The following SNX31 variants were observed in gnomAD, a reference collection of about 807,000 sequenced individuals.
SNX31 encodes sorting nexin 31.
Under a neutral mutation model 65.4 loss-of-function variants are expected in SNX31, and 58 were observed. That is an observed-to-expected ratio of 0.89 (90% CI 0.72 to 1.10). The LOEUF is 1.10. SNX31 is among the 50% of genes least tolerant of loss of function. SNX31 has a pLI of 0.00. For missense variants in SNX31, 523 were observed against 529.7 expected, an observed-to-expected ratio of 0.99 and a Z score of 0.12; for synonymous variants, 181 against 190.1, an observed-to-expected ratio of 0.95 and a Z score of 0.39.
intron 1 of SNX31, among the ~76,000 whole-genome samples, chr8:100,658,653 T>C (rs1021492319): frequency 6.6e-6 from 1 of 152,176 alleles, no homozygotes; most frequent in Non-Finnish European, 1.5e-5. Flanking sequence ...TGCCCAAAGT[T>C]GCACAGCTGG....
At chr8:100,606,177 G>A (rs1816139017) in intron 8 of SNX31, among the ~76,000 whole-genome samples, 1 of 152,082 alleles carries the variant, frequency 6.6e-6, no homozygotes, top group Admixed American at 6.5e-5. Context: ...TGGGACCACA[G>A]GCACACACCA....
rs1352598469 is a variant in SNX31 at position 100,629,270 on chromosome 8, T to C, written c.321+1057A>G. Reference sequence around the variant, plus strand: ...TTAGACTATACACAACAGTTGTCACTGAGGAGGGGGATCATAAGGGAAGAA... The same window carrying C: ...TTAGACTATACACAACAGTTGTCACCGAGGAGGGGGATCATAAGGGAAGAA... On this transcript the variant is annotated intron_variant, in intron 4 of 13. Coordinates refer to ENST00000311812, the MANE Select transcript of SNX31 (RefSeq NM_152628.4). The surrounding 1 kb of genome is among the most constrained non-coding windows in gnomAD (Gnocchi z 5.1). Among the ~76,000 whole-genome samples, 1 of 152,188 alleles carries C rather than the reference T, an allele frequency of 6.6e-6. No homozygotes were observed. The highest frequency in any genetic ancestry group is 1.5e-5 in the Non-Finnish European group (1 of 68,020).
intron 2 of SNX31, among the ~76,000 whole-genome samples, chr8:100,641,130 G>A (rs1819144441): frequency 6.6e-6 from 1 of 152,016 alleles, no homozygotes; most frequent in Admixed American, 6.6e-5. Context: ...GGCTTCTCTG[G>A]AAAACTGAGA....
intron 2 of SNX31, among the ~76,000 whole-genome samples, chr8:100,637,973 G>T (rs1818895372): frequency 6.6e-6 from 1 of 152,196 alleles, no homozygotes; most frequent in African/African-American, 2.4e-5. Context: ...TGGGATTACA[G>T]GTGTGAGCCA....
At chr8:100,607,392 G>A (rs538183213) in intron 8 of SNX31, among the ~76,000 whole-genome samples, 6 of 152,314 alleles carry the variant, frequency 3.9e-5, no homozygotes, top group South Asian at 4.1e-4. Context: ...TGACTTGGCC[G>A]AAGCTTCATC....
upstream of SNX31, among the ~76,000 whole-genome samples, chr8:100,651,999 AAC>A (rs2131310655): frequency 6.6e-6 from 1 of 151,976 alleles, no homozygotes; most frequent in South Asian, 2.1e-4. Flanking sequence ...TTTTTTTTGA[AAC>A]AGTGTCTTGC....
intron 4 of SNX31, among the ~76,000 whole-genome samples, chr8:100,628,893 A>G (rs1311836464): frequency 6.6e-5 from 10 of 151,976 alleles, no homozygotes. Context: ...AGCAAACTGC[A>G]CATATGGCAG....
chr8:100,604,311 A>G lies in SNX31; in HGVS notation c.682-3870T>C, dbSNP rs1386153634. ...AATTTTAAAAATCAAGCAAAATCAC[A>G]TAAGCCATAGTCTTCCTGACCTTCA... is the stretch of plus-strand genomic sequence containing the variant. On this transcript the variant is annotated intron_variant, in intron 8 of 13. Coordinates refer to ENST00000311812, the MANE Select transcript of SNX31 (RefSeq NM_152628.4). The surrounding 1 kb of genome is among the most constrained non-coding windows in gnomAD (Gnocchi z 4.3). 6.6e-6 allele frequency among the ~76,000 whole-genome samples: 1 copy of G among 152,264 alleles called. No homozygotes were observed. The highest frequency in any genetic ancestry group is 2.4e-5 in the African/African-American group (1 of 41,472).
At chr8:100,615,827 T>C (rs1189828541) in intron 5 of SNX31, among the ~76,000 whole-genome samples, 1 of 152,230 alleles carries the variant, frequency 6.6e-6, no homozygotes. Context: ...TGGAGTGCAG[T>C]GGCGCGATCT....
At chr8:100,602,863 T>A (rs1309881216) in intron 8 of SNX31, among the ~76,000 whole-genome samples, 1 of 152,218 alleles carries the variant, frequency 6.6e-6, no homozygotes, top group Non-Finnish European at 1.5e-5. Context: ...ATTTTTTCAC[T>A]TAATATTTTC....
At chr8:100,623,572 T>G (rs894884493) in intron 4 of SNX31, among the ~76,000 whole-genome samples, 2 of 152,194 alleles carry the variant, frequency 1.3e-5, no homozygotes, top group African/African-American at 4.8e-5. Context: ...GATGGGAACT[T>G]ACTCTGCTTC....
intron 2 of SNX31, among the ~76,000 whole-genome samples, chr8:100,643,192 C>CA (rs1333504126): frequency 1.4e-3 from 160 of 113,620 alleles, no homozygotes; most frequent in African/African-American, 5.5e-3. Flanking sequence ...GACTCCGTCT[C>CA]AAAAAAACAA....
Position 100,573,651 on chromosome 8 carries a change from ACT to A in SNX31, c.*212_*213del, listed in dbSNP as rs1812796147. On this transcript the variant is annotated 3_prime_UTR_variant, in exon 14 of 14. Transcript: ENST00000311812. Reference sequence around the variant, plus strand: ...AAGTGCAAAAATAAAATAAAAACTAACTCTATAACTTGGTTCTTTTTTTTTTT... The same window carrying A: ...AAGTGCAAAAATAAAATAAAAACTAACTATAACTTGGTTCTTTTTTTTTTT... The A allele has an allele frequency of 2.8e-6, 1 of 359,760 alleles. No homozygotes were observed. The highest frequency in any genetic ancestry group is 2.1e-5 in the African/African-American group (1 of 47,692). The allele number at this position is 359,760 out of a possible 1,614,324, so 22.3% of individuals were successfully genotyped here.
rs1403772629 is a variant in SNX31 at position 100,588,902 on chromosome 8, A to G, written c.1056T>C (p.Asp352=). 6.2e-7 allele frequency: 1 copy of G among 1,614,044 alleles called. No individual in the cohort carries two copies. The highest frequency in any genetic ancestry group is 1.3e-5 in the African/African-American group (1 of 75,032). ...AAATAACAAACCACTGCCAGCAACT[A>G]TCCTCACTGTATTGAAATCTGAGCT... The part of the protein sequence containing the change: ...NLELRFQYSE[D]SCWQWFVIYT... The change falls in exon 11 of 14, where the codon GAT becomes GAC. Residue 352 remains aspartate (D), a synonymous_variant. Coordinates refer to ENST00000311812, the MANE Select transcript of SNX31 (RefSeq NM_152628.4). This position sits in a 1 kb window ranked among gnomAD's most constrained non-coding sequence, Gnocchi z 4.8.
intron 4 of SNX31, among the ~76,000 whole-genome samples, chr8:100,628,574 A>G (rs937490452): frequency 1.4e-5 from 2 of 144,906 alleles, no homozygotes; most frequent in Non-Finnish European, 3.0e-5. Context: ...GGAACATCAC[A>G]CACTGGGGAC....
chr8:100,594,194 C>T lies in SNX31; in HGVS notation c.978+2445G>A, dbSNP rs1260903306. Among the ~76,000 whole-genome samples the T allele has an allele frequency of 6.6e-6, 1 of 152,218 alleles. No homozygotes were observed. Among genetic ancestry groups the T allele is most frequent in the Admixed American group, 6.5e-5 (1 of 15,290 alleles). On this transcript the variant is annotated intron_variant, in intron 10 of 13. Transcript: ENST00000311812. This position sits in a 1 kb window ranked among gnomAD's most constrained non-coding sequence, Gnocchi z 4.0. ...TGGTGCATGCCTGTAATCCCAGCTA[C>T]TTGGGAGGCTGAGGCAGGAGAATCC... is the stretch of plus-strand genomic sequence containing the variant.
chr8:100,591,537 C>T (rs2469658), intron 10 of SNX31, among the ~76,000 whole-genome samples: 50,813 of 148,198 alleles, frequency 0.34, 9,439 homozygotes, highest in African/African-American at 0.48. Context: ...AAGCAAGCAT[C>T]AAAAAAGTAA....
At chr8:100,606,884 C>T (rs915232671) in intron 8 of SNX31, among the ~76,000 whole-genome samples, 6 of 152,194 alleles carry the variant, frequency 3.9e-5, no homozygotes, top group South Asian at 2.1e-4. Context: ...AATGACATAA[C>T]GCACTTAATT....
intron 8 of SNX31, among the ~76,000 whole-genome samples, chr8:100,605,485 T>C (rs1464238603): frequency 1.3e-5 from 2 of 152,182 alleles, no homozygotes; most frequent in African/African-American, 4.8e-5. Flanking sequence ...TACAATTTTT[T>C]GGAGACTTTG....
Sources: allele counts gnomAD v4.1 joint callset (sites outside exome capture counted in the v4.1 genomes callset), GRCh38; gene constraint gnomAD v4.1.1; non-coding constraint Gnocchi (gnomAD v3.1); transcripts MANE v1.5; gene names NCBI Gene and HGNC (gene_info 2026-07-23, HGNC 2026-07-21).